Variants in RYR3 observed in about 807,000 individuals in gnomAD.
RYR3 encodes the protein brain ryanodine receptor-calcium release channel.
Under a neutral mutation model 584.3 loss-of-function variants are expected in RYR3, and 207 were observed. That is an observed-to-expected ratio of 0.35 (90% CI 0.32 to 0.40). The LOEUF (loss-of-function observed/expected upper bound fraction) is 0.40, where lower values mean the gene tolerates loss of function less well. RYR3 is among the 10% of genes least tolerant of loss of function. The pLI is 1.00. For missense variants in RYR3, 5,616 were observed against 6,089.2 expected (o/e 0.92, Z 2.59); for synonymous variants, 2,416 against 2,248.5 (o/e 1.07, Z -2.11).
chr15:33,439,119 TG>T (rs1224219109), intron 1 of RYR3, among the ~76,000 whole-genome samples: 1 of 152,226 alleles, frequency 6.6e-6, no homozygotes, highest in Non-Finnish European at 1.5e-5. Context: ...TTTAAAATTT[TG>T]TTTTATAATC....
At chr15:33,337,056 CAAAAAAAAAAAAA>C (rs71117134) in intron 1 of RYR3, among the ~76,000 whole-genome samples, 5 of 48,978 alleles carry the variant, frequency 1.0e-4, no homozygotes, top group Admixed American at 3.6e-4. Flanking sequence ...GACTCCGTCT[CAAAAAAAAAAAAA>C]AAAAAAAAAA....
chr15:33,711,235 A>ATTTTTTTTTT (rs143373949), intron 43 of RYR3, among the ~76,000 whole-genome samples: 1 of 75,790 alleles, frequency 1.3e-5, no homozygotes. Flanking sequence ...TCTTTCTTTC[A>ATTTTTTTTTT]TTTTTTTTTT....
At chr15:33,673,690 A>G (rs2063985548) in intron 38 of RYR3, among the ~76,000 whole-genome samples, 1 of 152,228 alleles carries the variant, frequency 6.6e-6, no homozygotes, top group East Asian at 1.9e-4. Context: ...TATTTCTCCT[A>G]AATTCTAAAA....
intron 2 of RYR3, among the ~76,000 whole-genome samples, chr15:33,492,800 C>G (rs554454400): frequency 6.6e-5 from 10 of 152,232 alleles, no homozygotes; most frequent in African/African-American, 2.4e-4. Flanking sequence ...CCTTCAGTTC[C>G]AGTTTGGCAT....
chr15:33,553,316 A>G (rs1330975357), intron 10 of RYR3, among the ~76,000 whole-genome samples: 3 of 152,090 alleles, frequency 2.0e-5, no homozygotes, highest in East Asian at 3.9e-4. Flanking sequence ...CCCAGTCCAC[A>G]TTTTCTGTCA....
chr15:33,712,436 G>T, intron 43 of RYR3, among the ~76,000 whole-genome samples: 1 of 152,164 alleles, frequency 6.6e-6, no homozygotes, highest in East Asian at 1.9e-4. Context: ...AAGAAATAAG[G>T]ATGTCAGAAG....
At chr15:33,385,710 C>CTTTTTTTTTTTT (rs10682215) in intron 1 of RYR3, among the ~76,000 whole-genome samples, 4 of 131,402 alleles carry the variant, frequency 3.0e-5, no homozygotes, top group African/African-American at 8.8e-5. Flanking sequence ...TTTTTCTTTT[C>CTTTTTTTTTTTT]TTTTTTTTTT....
intron 1 of RYR3, among the ~76,000 whole-genome samples, chr15:33,433,027 C>T (rs2045335833): frequency 6.6e-6 from 1 of 152,072 alleles, no homozygotes; most frequent in African/African-American, 2.4e-5. Flanking sequence ...CTGTCCATTA[C>T]CTGAGGCCTA....
intron 1 of RYR3, among the ~76,000 whole-genome samples, chr15:33,432,388 C>T (rs1188705232): frequency 1.3e-5 from 2 of 151,914 alleles, no homozygotes; most frequent in Admixed American, 6.6e-5. Context: ...CCAGCCCTCA[C>T]CCTGTAGCCT....
chr15:33,313,466 T>C (rs1967644460), intron 1 of RYR3, among the ~76,000 whole-genome samples: 1 of 152,184 alleles, frequency 6.6e-6, no homozygotes, highest in South Asian at 2.1e-4. Context: ...TTTTTTGGAA[T>C]CCAATAGCCA....
At chr15:33,481,998 C>T (rs1314595161) in intron 2 of RYR3, among the ~76,000 whole-genome samples, 3 of 151,788 alleles carry the variant, frequency 2.0e-5, no homozygotes, top group Non-Finnish European at 4.4e-5. Context: ...GAAGAAGAAC[C>T]TTTTATAAAA....
intron 1 of RYR3, among the ~76,000 whole-genome samples, chr15:33,334,967 A>G (rs79172521): frequency 0.09 from 13,719 of 152,238 alleles, 1,373 homozygotes; most frequent in African/African-American, 0.25. Context: ...GCAAATCAAA[A>G]CCACAATGAG....
rs546408734 is a variant in RYR3, at chr15:33,724,190, C to T, written c.6912+14C>T. 1.4e-5 allele frequency: 20 copies of T among 1,437,754 alleles called. No homozygotes were observed. In the East Asian group the frequency reaches 4.3e-4, roughly 31 times the overall value. The allele number at this position is 1,437,754 out of a possible 1,614,324, so 89.1% of individuals were successfully genotyped here. A position where few individuals can be genotyped will look rare whatever the true frequency, so the allele number is the denominator to read the frequency against. ...CCTGAAATGCACGTAAGTGATACAG[C>T]TTCCAGAGAACAGCTTTGAGAAACC... On this transcript the variant is annotated intron_variant, in intron 45 of 103. Coordinates refer to ENST00000634891, the MANE Select transcript of RYR3 (RefSeq NM_001036.6).
chr15:33,530,325 A>G (rs2054759274), intron 3 of RYR3, among the ~76,000 whole-genome samples: 1 of 152,152 alleles, frequency 6.6e-6, no homozygotes, highest in African/African-American at 2.4e-5. Flanking sequence ...CTCTGGTAGA[A>G]CAGCTCTGGG....
intron 8 of RYR3, among the ~76,000 whole-genome samples, chr15:33,547,494 C>T (rs2141213916): frequency 1.3e-5 from 2 of 152,266 alleles, no homozygotes; most frequent in South Asian, 4.2e-4. Flanking sequence ...TGAGTGAGAT[C>T]ATACAGGAAC....
chr15:33,597,355 G>C (rs1044236356), intron 16 of RYR3, among the ~76,000 whole-genome samples: 1 of 152,118 alleles, frequency 6.6e-6, no homozygotes, highest in Non-Finnish European at 1.5e-5. Flanking sequence ...AGTAGCTCAC[G>C]CCTGTAATCC....
At chr15:33,368,338 C>CTTTTTTTTTTTTTT (rs35491164) in intron 1 of RYR3, among the ~76,000 whole-genome samples, 1 of 85,824 alleles carries the variant, frequency 1.2e-5, no homozygotes, top group African/African-American at 4.9e-5. Context: ...GCCTTCCTGT[C>CTTTTTTTTTTTTTT]TTTTTTTTTT....
intron 1 of RYR3, among the ~76,000 whole-genome samples, chr15:33,441,191 G>A (rs746974171): frequency 2.0e-5 from 3 of 152,124 alleles, no homozygotes; most frequent in South Asian, 4.1e-4. Flanking sequence ...TTGTGGTTAC[G>A]GTTAGGGTTA....
chr15:33,537,595 A>G (rs907422971), intron 5 of RYR3, among the ~76,000 whole-genome samples: 2 of 152,196 alleles, frequency 1.3e-5, no homozygotes, highest in African/African-American at 4.8e-5. Context: ...ACTGTTGAGA[A>G]GTCTACATTC....
Sources: allele counts gnomAD v4.1 joint callset (sites outside exome capture counted in the v4.1 genomes callset), GRCh38; gene constraint gnomAD v4.1.1; transcripts MANE v1.5; gene names NCBI Gene and HGNC (gene_info 2026-07-23, HGNC 2026-07-21).